SLC52A3: variants seen among roughly 807,000 people sequenced by gnomAD.
The protein encoded by SLC52A3 is solute carrier family 52, riboflavin transporter, member 3.
A neutral mutation model predicts 29.5 loss-of-function variants in SLC52A3; 20 were observed. That is an observed-to-expected ratio of 0.68 (90% CI 0.48 to 0.99). The LOEUF is 0.99. Ranked by LOEUF, SLC52A3 falls within the 50% of genes least tolerant of loss-of-function variation. The probability of loss-of-function intolerance (pLI) is 0.00; values close to 1 mark genes in which losing one functional copy is unlikely to be tolerated. For synonymous variants in SLC52A3, 301 were observed against 271.0 expected (o/e 1.11, Z -1.09); for missense variants, 548 against 612.9 (o/e 0.89, Z 1.12).
rs779376174 is a variant in SLC52A3, at chr20:761,788, C to G, written c.1110G>C (p.Gly370=). ...CCATGTTGTAGCCCCCAAAGCAGGT[C>G]CCAAGCACGGAGAGGACCCCCAGGA... ...LLFLGVLSVL[G]TCFGGYNMAM... is the part of the protein sequence containing the mutation. Residue 370 remains glycine, a synonymous_variant, in exon 4 of 5, where the codon GGG becomes GGC. Coordinates refer to ENST00000645534, the MANE Select transcript of SLC52A3 (RefSeq NM_033409.4). 7 of 1,614,176 alleles carry G rather than the reference C, an allele frequency of 4.3e-6. No homozygotes were observed. The highest frequency in any genetic ancestry group is 5.9e-6 in the Non-Finnish European group (7 of 1,180,012).
At chr20:763,064 A>G (rs955437160) in intron 3 of SLC52A3, among the ~76,000 whole-genome samples, 1 of 152,356 alleles carries the variant, frequency 6.6e-6, no homozygotes, top group Non-Finnish European at 1.5e-5. Context: ...GGCAGGGCCG[A>G]AATCCTGGGA....
In SLC52A3 at chr20:765,522, T is replaced by A; in HGVS notation, c.253A>T (p.Thr85Ser). 1 of 1,578,624 alleles carries A rather than the reference T, an allele frequency of 6.3e-7. No individual in the cohort carries two copies. The highest frequency in any genetic ancestry group is 8.6e-7 in the Non-Finnish European group (1 of 1,162,204). ...IFTLLGVGTV[T>S]CIIFAFLWNM... ...CAGAGGAAGGCAAAGATGATGCAGGTGACGGTTCCCACGCCCAGCAGGGTG... is the reference window on the plus strand; with the variant it reads ...CAGAGGAAGGCAAAGATGATGCAGGAGACGGTTCCCACGCCCAGCAGGGTG... Residue 85 changes from threonine to serine, a missense_variant, in exon 2 of 5, where the codon ACC becomes TCC. Around this residue, in one of 2 missense-constraint regions of SLC52A3, gnomAD observed 375 missense variants for 471.1 expected, o/e 0.80. Transcript: ENST00000645534. The surrounding 1 kb of genome is among the most constrained non-coding windows in gnomAD (Gnocchi z 6.6).
upstream of SLC52A3, among the ~76,000 whole-genome samples, chr20:777,981 G>C (rs374210400): frequency 6.6e-6 from 1 of 151,574 alleles, no homozygotes; most frequent in Admixed American, 6.6e-5. Flanking sequence ...TCAGGAAAAA[G>C]GCTGCTCCAG....
chr20:770,836 G>A (rs1986824366), upstream of SLC52A3, among the ~76,000 whole-genome samples: 1 of 152,136 alleles, frequency 6.6e-6, no homozygotes, highest in Non-Finnish European at 1.5e-5. The surrounding 1 kb of genome is among the most constrained non-coding windows in gnomAD (Gnocchi z 4.5). Flanking sequence ...TATTCCTTCT[G>A]GCAAACAGGG....
At chr20:779,691 C>A (rs977371218), upstream of SLC52A3, among the ~76,000 whole-genome samples, 1 of 152,206 alleles carries the variant, frequency 6.6e-6, no homozygotes, top group African/African-American at 2.4e-5. Context: ...CTTAACTGTA[C>A]AACTTGCCTG....
chr20:766,970 G>T (rs1986706674), intron 1 of SLC52A3, among the ~76,000 whole-genome samples: 1 of 152,174 alleles, frequency 6.6e-6, no homozygotes, highest in Non-Finnish European at 1.5e-5. Context: ...CTCACCATGA[G>T]ATTGTCCCAA....
At chr20:773,114 A>G (rs1372644011), upstream of SLC52A3, among the ~76,000 whole-genome samples, 1 of 152,192 alleles carries the variant, frequency 6.6e-6, no homozygotes, top group Non-Finnish European at 1.5e-5. Context: ...GACCAGCTCT[A>G]ATCTAGTTTT....
chr20:771,314 C>G (rs755154777), upstream of SLC52A3, among the ~76,000 whole-genome samples: 11 of 152,134 alleles, frequency 7.2e-5, no homozygotes, highest in Non-Finnish European at 1.2e-4. Flanking sequence ...GTAATTCTAG[C>G]TACTCGGGAG....
rs1327935090 is a variant in SLC52A3, at chr20:761,575, C to T, written c.1197+126G>A. The T allele has an allele frequency of 3.4e-6, 5 of 1,452,416 alleles. No homozygotes were observed. The African/African-American group carries it at 7.0e-5, about 20-fold the overall frequency. 90.0% of individuals were successfully genotyped at this position (1,452,416 alleles called of 1,614,324 possible). A position where few individuals can be genotyped will look rare whatever the true frequency, so the allele number is the denominator to read the frequency against. On this transcript the variant is annotated intron_variant, in intron 4 of 4. Transcript: ENST00000645534. Reference sequence around the variant, plus strand: ...AAATGAGGAAGGGGCGCTTCCCCCACCTGGGGCTTCCCGGGAGGGTCCCAC... The same window carrying T: ...AAATGAGGAAGGGGCGCTTCCCCCATCTGGGGCTTCCCGGGAGGGTCCCAC...
rs397963800 is a variant in SLC52A3, at chr20:765,937, CT to C, written c.-51-113del. 0.08 allele frequency: 39,083 copies of C among 488,970 alleles called. 3 individuals carry two copies. The highest frequency in any genetic ancestry group is 0.19 in the East Asian group (4,146 of 21,744). The allele number at this position is 488,970 out of a possible 1,614,324, so 30.3% of individuals were successfully genotyped here. On this transcript the variant is annotated intron_variant, in intron 1 of 4. Coordinates refer to ENST00000645534, the MANE Select transcript of SLC52A3 (RefSeq NM_033409.4). This position sits in a 1 kb window ranked among gnomAD's most constrained non-coding sequence, Gnocchi z 6.6. Reference sequence around the variant, plus strand: ...ACTCCCCTTCCTGTGAACAAGCTGGCTTTTTTTTTTTTCCTTTGAGACATAG... The same window carrying C: ...ACTCCCCTTCCTGTGAACAAGCTGGCTTTTTTTTTTTCCTTTGAGACATAG...
intron 3 of SLC52A3, among the ~76,000 whole-genome samples, chr20:762,198 C>T (rs1045526059): frequency 1.8e-4 from 27 of 152,212 alleles, no homozygotes; most frequent in African/African-American, 6.3e-4. Context: ...CCGCTGTGGG[C>T]CCACCTGGTG....
chr20:765,134 G>A lies in SLC52A3; in HGVS notation c.567+74C>T, dbSNP rs1986630350. 2 of 1,530,554 alleles carry A rather than the reference G, an allele frequency of 1.3e-6. No homozygotes were observed. The highest frequency in any genetic ancestry group is 1.8e-6 in the Non-Finnish European group (2 of 1,106,792). 94.8% of individuals were successfully genotyped at this position (1,530,554 alleles called of 1,614,324 possible). ...CGACCAAAGAACCTAGAAGGATGGA[G>A]GTGAGCAGTTTTTCCCTCCCCTACA... On this transcript the variant is annotated intron_variant, in intron 2 of 4. Transcript: ENST00000645534. This position sits in a 1 kb window ranked among gnomAD's most constrained non-coding sequence, Gnocchi z 6.6.
At position 765,878 on chromosome 20, in the gene SLC52A3, T is replaced by C. The variant is rs1239135884; in HGVS notation, c.-51-53A>G. 74 of 1,138,626 alleles carry C rather than the reference T, an allele frequency of 6.5e-5. 1 individual carries two copies. The highest frequency in any genetic ancestry group is 9.0e-5 in the Non-Finnish European group (70 of 773,750). 70.5% of individuals were successfully genotyped at this position (1,138,626 alleles called of 1,614,324 possible). On this transcript the variant is annotated intron_variant, in intron 1 of 4. Transcript: ENST00000645534. This position sits in a 1 kb window ranked among gnomAD's most constrained non-coding sequence, Gnocchi z 6.6. ...ATTCCAGCTTCACCACCTAGCAAGA[T>C]GCTGGGACCTGGGGCCCAGAGTTTT...
At chr20:779,896 A>C (rs1987162982), upstream of SLC52A3, among the ~76,000 whole-genome samples, 1 of 152,210 alleles carries the variant, frequency 6.6e-6, no homozygotes, top group Non-Finnish European at 1.5e-5. Context: ...CTAAGATAAG[A>C]CTGTAAAGCT....
chr20:761,124 G>A lies in SLC52A3; in HGVS notation c.1312C>T (p.Leu438=). The A allele has an allele frequency of 6.3e-7, 1 of 1,598,760 alleles. No individual in the cohort carries two copies. The highest frequency in any genetic ancestry group is 1.1e-5 in the South Asian group (1 of 88,710). Residue 438 remains leucine (L), a synonymous_variant, in exon 5 of 5, where the codon CTG becomes TTG. Coordinates refer to ENST00000645534, the MANE Select transcript of SLC52A3 (RefSeq NM_033409.4). ...ALLWCGAAVQ[L]GSLLGALLMF... is the part of the protein sequence containing the mutation. ...AGCAGCGCTCCGAGCAGCGAGCCCAGCTGCACCGCCGCCCCGCACCACAAG... is the reference window on the plus strand; with the variant it reads ...AGCAGCGCTCCGAGCAGCGAGCCCAACTGCACCGCCGCCCCGCACCACAAG...
upstream of SLC52A3, among the ~76,000 whole-genome samples, chr20:768,936 C>T (rs1465570495): frequency 6.6e-6 from 1 of 152,228 alleles, no homozygotes; most frequent in Non-Finnish European, 1.5e-5. Context: ...CTACAAGACT[C>T]CGTCCTCCAG....
At chr20:771,585 G>A (rs1408986682), upstream of SLC52A3, among the ~76,000 whole-genome samples, 2 of 150,408 alleles carry the variant, frequency 1.3e-5, no homozygotes, top group African/African-American at 4.9e-5. Flanking sequence ...CTTAGGTCCT[G>A]TCCCAACCAG....
At position 761,214 on chromosome 20, in the gene SLC52A3, C is replaced by T. The variant is rs1216813111; in HGVS notation, c.1222G>A (p.Gly408Ser). The change falls in exon 5 of 5, where the codon GGC becomes AGC. Residue 408 changes from glycine to serine, a missense_variant. Coordinates refer to ENST00000645534, the MANE Select transcript of SLC52A3 (RefSeq NM_033409.4). ...LIVASWVLFS[G>S]CLSYVKVMLG... ...ATCACCTTGACGTAACTGAGGCAGC[C>T]GCTGAAAAGCACCCACGAGGCCACC... 6.4e-7 allele frequency: 1 copy of T among 1,554,880 alleles called. No homozygotes were observed. Among genetic ancestry groups the T allele is most frequent in the South Asian group, 1.2e-5 (1 of 84,502 alleles).
upstream of SLC52A3, among the ~76,000 whole-genome samples, chr20:770,155 G>GTTTTTTTT (rs71191969): frequency 7.0e-6 from 1 of 143,162 alleles, no homozygotes; most frequent in Non-Finnish European, 1.5e-5. This position sits in a 1 kb window ranked among gnomAD's most constrained non-coding sequence, Gnocchi z 4.5. Flanking sequence ...TCTGACTGCT[G>GTTTTTTTT]TTTTTTTTTT....
Sources: gnomAD v4.1 joint callset for allele counts (sites outside exome capture counted in the v4.1 genomes callset) on GRCh38, gnomAD v4.1.1 for gene constraint, gnomAD v4.1.1 regional missense constraint, Gnocchi (gnomAD v3.1) non-coding constraint, MANE v1.5 for transcripts, NCBI Gene and HGNC (gene_info 2026-07-23, HGNC 2026-07-21) for gene names.